FOXK1: variants seen among roughly 807,000 people sequenced by gnomAD.
FOXK1 encodes forkhead box K1, also known as forkhead box protein K1.
FOXK1 carries 19 observed loss-of-function variants against 51.9 expected under a neutral mutation model. The observed-to-expected ratio is 0.37, with a 90% CI of 0.26 to 0.54. The LOEUF (loss-of-function observed/expected upper bound fraction) is 0.54. Among genes scored for constraint, FOXK1 ranks in the 20% least tolerant of loss-of-function variants. The pLI, the probability that FOXK1 is intolerant of heterozygous loss-of-function variation, is 0.87. For missense variants in FOXK1, 870 were observed against 1,032.7 expected, an observed-to-expected ratio of 0.84 and a Z score of 2.16; for synonymous variants, 537 against 482.6, an observed-to-expected ratio of 1.11 and a Z score of -1.48.
chr7:4,689,177 C>G lies in FOXK1; in HGVS notation c.560+6309C>G, dbSNP rs1451009615. 4.6e-5 allele frequency among the ~76,000 whole-genome samples: 7 copies of G among 152,024 alleles called. No homozygotes were observed. The East Asian group carries it at 1.3e-3, about 29-fold the overall frequency. On this transcript the variant is annotated intron_variant, in intron 1 of 8. Transcript: ENST00000328914. ...ATTTTTAGTAGAGAGGGGGTTTCGC[C>G]GTGTTGCCCAGGCCAGTCTTGAACT...
Position 4,755,229 on chromosome 7 carries a change from C to G in FOXK1, c.904-8C>G. On this transcript the variant is annotated splice_region_variant and splice_polypyrimidine_tract_variant and intron_variant, in intron 3 of 8. Transcript: ENST00000328914. The surrounding 1 kb of genome is among the most constrained non-coding windows in gnomAD (Gnocchi z 6.6). The stretch of plus-strand genomic sequence containing the variant: ...GGAGCTCATCCCGTGAGCCGTGTTT[C>G]TCCGCAGGATGAGTCAAAGCCGCCG... 2 of 1,613,268 alleles carry G rather than the reference C, an allele frequency of 1.2e-6. No homozygotes were observed. The highest frequency in any genetic ancestry group is 1.7e-6 in the Non-Finnish European group (2 of 1,179,692).
Position 4,734,201 on chromosome 7 carries a change from G to A in FOXK1, c.561-6637G>A, listed in dbSNP as rs890991210. Among the ~76,000 whole-genome samples, 2 of 152,228 alleles carry A rather than the reference G, an allele frequency of 1.3e-5. No homozygotes were observed. The highest frequency in any genetic ancestry group is 1.9e-4 in the East Asian group (1 of 5,196). On this transcript the variant is annotated intron_variant, in intron 1 of 8. Transcript: ENST00000328914. This position sits in a 1 kb window ranked among gnomAD's most constrained non-coding sequence, Gnocchi z 5.2. Reference sequence around the variant, plus strand: ...CAGAGCTCCTGAGAAGGAGCGGCTTGTGTGGGGTGACTCTATCTCAAGCCG... The same window carrying A: ...CAGAGCTCCTGAGAAGGAGCGGCTTATGTGGGGTGACTCTATCTCAAGCCG...
Position 4,762,333 on chromosome 7 carries a change from T to A in FOXK1, c.2071T>A (p.Ser691Thr). Residue 691 changes from serine to threonine, a missense_variant, in exon 9 of 9, where the codon TCT (serine) becomes ACT (threonine). By Grantham distance (58) the Ser-to-Thr change is moderately conservative. Transcript: ENST00000328914. This position sits in a 1 kb window ranked among gnomAD's most constrained non-coding sequence, Gnocchi z 5.7. Reference sequence around the variant, plus strand: ...CACCCCAGCCACTGCCACCACCGCCTCTGCCTCCGCCTCTTCCACTGGAGA... The same window carrying A: ...CACCCCAGCCACTGCCACCACCGCCACTGCCTCCGCCTCTTCCACTGGAGA... Reference protein sequence around the residue: ...TTTPATATTASASASSTGEPE... With the variant: ...TTTPATATTATASASSTGEPE... The A allele has an allele frequency of 6.4e-7, 1 of 1,550,870 alleles. No individual in the cohort carries two copies. The highest frequency in any genetic ancestry group is 8.7e-7 in the Non-Finnish European group (1 of 1,146,830).
chr7:4,754,309 C>A, intron 2 of FOXK1, 150 bp from the exon 3 acceptor site: 1 of 859,088 alleles, frequency 1.2e-6, no homozygotes, highest in East Asian at 2.7e-5. Flanking sequence ...CGCTGCGTGA[C>A]CTTGGCCGGG....
rs1395752555 is a variant in FOXK1 at position 4,715,864 on chromosome 7, C to G, written c.561-24974C>G. On this transcript the variant is annotated intron_variant, in intron 1 of 8. Transcript: ENST00000328914. The surrounding 1 kb of genome is among the most constrained non-coding windows in gnomAD (Gnocchi z 4.5). ...ACTCACAAGACAATCCTTCCAGCCACTGGTCACAGGATGGCCGTTGCTGAA... is the reference window on the plus strand; with the variant it reads ...ACTCACAAGACAATCCTTCCAGCCAGTGGTCACAGGATGGCCGTTGCTGAA... 1.3e-5 allele frequency among the ~76,000 whole-genome samples: 2 copies of G among 152,236 alleles called. No individual in the cohort carries two copies. Among genetic ancestry groups the G allele is most frequent in the Non-Finnish European group, 2.9e-5 (2 of 68,036 alleles).
chr7:4,717,307 G>A (rs1160115063), intron 1 of FOXK1, among the ~76,000 whole-genome samples: 1 of 147,488 alleles, frequency 6.8e-6, no homozygotes. Flanking sequence ...GTGGATGGAA[G>A]GTGGTGGCGG....
In FOXK1 at chr7:4,771,342, C is replaced by A. The variant is rs1485984207; in HGVS notation, c.*8878C>A. 1 of 152,456 alleles carries A rather than the reference C, an allele frequency of 6.6e-6. No homozygotes were observed. The highest frequency in any genetic ancestry group is 1.9e-4 in the East Asian group (1 of 5,202). The allele number at this position is 152,456 out of a possible 1,614,324, so 9.4% of individuals were successfully genotyped here. ...TTGTTTTTCATTTATTTTAACTGTT[C>A]TTTTATCTATTAAATTGTTGTATGT... On this transcript the variant is annotated 3_prime_UTR_variant, in exon 9 of 9. Coordinates refer to ENST00000328914, the MANE Select transcript of FOXK1 (RefSeq NM_001037165.2).
At chr7:4,759,022 G>T in intron 5 of FOXK1, 29 bp from the exon 6 acceptor site, 1 of 1,554,898 alleles carries the variant, frequency 6.4e-7, no homozygotes, top group South Asian at 1.2e-5. Context: ...CGCGGGCGCT[G>T]ACTGCCGCGG....
intron 1 of FOXK1, among the ~76,000 whole-genome samples, chr7:4,736,419 T>G (rs577144165): frequency 6.3e-4 from 95 of 151,910 alleles, no homozygotes; most frequent in African/African-American, 1.6e-3. Flanking sequence ...GTTTTGTTTT[T>G]TTTTTTTTTT....
intron 1 of FOXK1, among the ~76,000 whole-genome samples, chr7:4,720,575 A>G (rs1272885511): frequency 6.6e-6 from 1 of 152,168 alleles, no homozygotes; most frequent in African/African-American, 2.4e-5. Flanking sequence ...CCTGTGGCCA[A>G]CTTCGATGCT....
chr7:4,716,459 T>C (rs1424408329), intron 1 of FOXK1, among the ~76,000 whole-genome samples: 1 of 152,068 alleles, frequency 6.6e-6, no homozygotes, highest in East Asian at 1.9e-4. Flanking sequence ...TAAGCTATGA[T>C]GGCACCACTG....
At position 4,759,569 on chromosome 7, in the gene FOXK1, T is replaced by A; in HGVS notation, c.1670T>A (p.Val557Glu). 1 of 1,538,090 alleles carries A rather than the reference T, an allele frequency of 6.5e-7. No homozygotes were observed. Among genetic ancestry groups the A allele is most frequent in the Non-Finnish European group, 8.7e-7 (1 of 1,147,628 alleles). The change falls in exon 7 of 9, where the codon GTG becomes GAG. Residue 557 changes from valine to glutamate, a missense_variant. This residue lies in a region of FOXK1 where 457 missense variants were observed against 510.8 expected (regional missense o/e 0.89). Transcript: ENST00000328914. Reference sequence around the variant, plus strand: ...TCCCATGATGCGGCGGGCGCAGCCGTGCTGGACCTGGGCAGCGAGGCCAGA... The same window carrying A: ...TCCCATGATGCGGCGGGCGCAGCCGAGCTGGACCTGGGCAGCGAGGCCAGA... ...GGSHDAAGAA[V>E]LDLGSEARGL... is the part of the protein sequence containing the mutation.
In FOXK1 at chr7:4,715,957, C is replaced by T. The variant is rs984628132; in HGVS notation, c.561-24881C>T. Among the ~76,000 whole-genome samples the T allele has an allele frequency of 5.3e-5, 8 of 152,162 alleles. No homozygotes were observed. The highest frequency in any genetic ancestry group is 9.7e-5 in the African/African-American group (4 of 41,424). On this transcript the variant is annotated intron_variant, in intron 1 of 8. Transcript: ENST00000328914. The surrounding 1 kb of genome is among the most constrained non-coding windows in gnomAD (Gnocchi z 4.5). Reference sequence around the variant, plus strand: ...ATCAAAAATGCAGACCTCAGTCAGGCGCAGTGGTTCACGCCTGTAATCCCA... The same window carrying T: ...ATCAAAAATGCAGACCTCAGTCAGGTGCAGTGGTTCACGCCTGTAATCCCA...
chr7:4,749,757 C>T lies in FOXK1; in HGVS notation c.747-4702C>T, dbSNP rs1247087178. ...CATTGAGGGTGGACTGGAAGGACCG[C>T]AGCCCTGTGCCCTGGGGAAGGCTTG... is the stretch of plus-strand genomic sequence containing the variant. On this transcript the variant is annotated intron_variant, in intron 2 of 8. Transcript: ENST00000328914. The surrounding 1 kb of genome is among the most constrained non-coding windows in gnomAD (Gnocchi z 6.0). Among the ~76,000 whole-genome samples, 3 of 152,248 alleles carry T rather than the reference C, an allele frequency of 2.0e-5. No homozygotes were observed. Among genetic ancestry groups the T allele is most frequent in the African/African-American group, 7.2e-5 (3 of 41,464 alleles).
intron 1 of FOXK1, among the ~76,000 whole-genome samples, chr7:4,688,159 C>T (rs566428266): frequency 6.0e-5 from 9 of 149,704 alleles, no homozygotes; most frequent in African/African-American, 2.2e-4. Flanking sequence ...TATCTTCACC[C>T]CCATTCACCT....
intron 1 of FOXK1, among the ~76,000 whole-genome samples, chr7:4,700,840 A>T (rs1780012001): frequency 6.6e-6 from 1 of 152,132 alleles, no homozygotes; most frequent in Non-Finnish European, 1.5e-5. Context: ...ACAAGTACTT[A>T]CCTCAGTGCC....
rs1027833499 is a variant in FOXK1 at position 4,715,487 on chromosome 7, C to T, written c.561-25351C>T. ...CTGGAACTCGGGCCCCGCTGGCCGGCGGTAGGAGCTGGAATGCCCGAGCTC... is the reference window on the plus strand; with the variant it reads ...CTGGAACTCGGGCCCCGCTGGCCGGTGGTAGGAGCTGGAATGCCCGAGCTC... On this transcript the variant is annotated intron_variant, in intron 1 of 8. Coordinates refer to ENST00000328914, the MANE Select transcript of FOXK1 (RefSeq NM_001037165.2). This position sits in a 1 kb window ranked among gnomAD's most constrained non-coding sequence, Gnocchi z 4.5. Among the ~76,000 whole-genome samples the T allele has an allele frequency of 1.6e-4, 25 of 152,128 alleles. No individual in the cohort carries two copies. Among genetic ancestry groups the T allele is most frequent in the African/African-American group, 5.8e-4 (24 of 41,436 alleles).
intron 1 of FOXK1, among the ~76,000 whole-genome samples, chr7:4,697,295 C>T (rs1222468043): frequency 2.0e-5 from 3 of 152,196 alleles, no homozygotes; most frequent in East Asian, 1.9e-4. Context: ...GGGAAGGCAA[C>T]GTGCTCAGGA....
rs569375399 is a variant in FOXK1, at chr7:4,721,749, C to T, written c.561-19089C>T. On this transcript the variant is annotated intron_variant, in intron 1 of 8. Coordinates refer to ENST00000328914, the MANE Select transcript of FOXK1 (RefSeq NM_001037165.2). Reference sequence around the variant, plus strand: ...GGGATTACAGGCGTGAGACACCACGCCCAGCTAATTCTTGCATTTTTAGTA... The same window carrying T: ...GGGATTACAGGCGTGAGACACCACGTCCAGCTAATTCTTGCATTTTTAGTA... 6.6e-5 allele frequency among the ~76,000 whole-genome samples: 10 copies of T among 152,028 alleles called. No homozygotes were observed. In the Middle Eastern group the frequency reaches 0.017, roughly 260 times the overall value.
Sources: gnomAD v4.1 joint callset for allele counts (sites outside exome capture counted in the v4.1 genomes callset) on GRCh38, gnomAD v4.1.1 for gene constraint, gnomAD v4.1.1 regional missense constraint, Gnocchi (gnomAD v3.1) non-coding constraint, MANE v1.5 for transcripts, NCBI Gene and HGNC (gene_info 2026-07-23, HGNC 2026-07-21) for gene names.